Variants in SATB2 observed in about 807,000 individuals in gnomAD.
SATB2 encodes DNA-binding protein SATB2.
Under a neutral mutation model 73.4 loss-of-function variants are expected in SATB2, and 1 was observed. That is an observed-to-expected ratio of 0.01 (90% CI 0.00 to 0.06). SATB2 has a LOEUF of 0.06. Ranked by LOEUF, SATB2 falls within the 10% of genes least tolerant of loss-of-function variation. The pLI is 1.00. For synonymous variants in SATB2, 397 were observed against 367.0 expected (o/e 1.08, Z -0.93); for missense variants, 459 against 945.8 (o/e 0.49, Z 6.75).
intron 6 of SATB2, among the ~76,000 whole-genome samples, chr2:199,361,040 C>T (rs1185127270): frequency 2.6e-5 from 4 of 152,126 alleles, no homozygotes; most frequent in Non-Finnish European, 4.4e-5. Context: ...AAGCTTCCAG[C>T]CCTCTCCCGC....
intron 9 of SATB2, among the ~76,000 whole-genome samples, chr2:199,316,704 C>T (rs1687744883): frequency 6.6e-6 from 1 of 151,954 alleles, no homozygotes; most frequent in Non-Finnish European, 1.5e-5. Context: ...AATTTTGTTG[C>T]CCTCCTTAGC....
intron 10 of SATB2, among the ~76,000 whole-genome samples, chr2:199,276,461 G>A (rs1001066516): frequency 1.3e-5 from 2 of 152,114 alleles, no homozygotes; most frequent in African/African-American, 4.8e-5. Flanking sequence ...CCAAGCAAGT[G>A]CCCTGAGAGT....
chr2:199,426,692 CA>C (rs200293007), intron 3 of SATB2, among the ~76,000 whole-genome samples: 3,334 of 128,136 alleles, frequency 0.026, 101 homozygotes, highest in African/African-American at 0.1. Flanking sequence ...CATTCTCTCT[CA>C]AAAAAAAAAA....
chr2:199,329,180 A>G (rs1688118536), intron 7 of SATB2: 1 of 460,088 alleles, frequency 2.2e-6, no homozygotes, highest in Non-Finnish European at 4.0e-6. Context: ...CAAGGTAGGC[A>G]CTTGGGAAGA....
chr2:199,462,476 C>G (rs946269463), upstream of SATB2, among the ~76,000 whole-genome samples: 1 of 152,194 alleles, frequency 6.6e-6, no homozygotes, highest in African/African-American at 2.4e-5. This position sits in a 1 kb window ranked among gnomAD's most constrained non-coding sequence, Gnocchi z 5.9. Context: ...GAGGACGGTT[C>G]GCCCAGGGTG....
chr2:199,461,648 C>G (rs1356946101), upstream of SATB2, among the ~76,000 whole-genome samples: 1 of 152,166 alleles, frequency 6.6e-6, no homozygotes, highest in African/African-American at 2.4e-5. Context: ...ACGTTTTTGT[C>G]GGGAATCTGC....
intron 3 of SATB2, chr2:199,423,969 C>T (rs1269623934): frequency 1.3e-5 from 2 of 152,198 alleles, no homozygotes; most frequent in African/African-American, 4.8e-5. Context: ...AGGGGGACCT[C>T]TGCGCTGTCT....
intron 5 of SATB2, among the ~76,000 whole-genome samples, chr2:199,379,333 T>C (rs1425429768): frequency 6.6e-6 from 1 of 152,228 alleles, no homozygotes; most frequent in East Asian, 1.9e-4. Flanking sequence ...CATTTTCTTC[T>C]TGTGAATTCA....
chr2:199,327,848 T>A (rs548187574), intron 8 of SATB2, among the ~76,000 whole-genome samples: 1 of 152,158 alleles, frequency 6.6e-6, no homozygotes, highest in East Asian at 1.9e-4. Context: ...TTGAGTGACA[T>A]CTCAGTCATT....
chr2:199,456,657 A>G (rs1692284365), intron 1 of SATB2, among the ~76,000 whole-genome samples: 1 of 152,220 alleles, frequency 6.6e-6, no homozygotes, highest in South Asian at 2.1e-4. Context: ...ACACACCTGC[A>G]TAAAATCAAC....
rs1016489057 is a variant in SATB2, at chr2:199,345,549, A to G, written c.1173+3152T>C. Reference sequence around the variant, plus strand: ...TAACCTTACTCCAACCACTCTTTCCATGTCTTCCTGGATTCCCTTCATAAT... The same window carrying G: ...TAACCTTACTCCAACCACTCTTTCCGTGTCTTCCTGGATTCCCTTCATAAT... On this transcript the variant is annotated intron_variant, in intron 7 of 10. Coordinates refer to ENST00000417098, the MANE Select transcript of SATB2 (RefSeq NM_001172509.2). Among the ~76,000 whole-genome samples, 7 of 151,826 alleles carry G rather than the reference A, an allele frequency of 4.6e-5. No homozygotes were observed. In the South Asian group the frequency reaches 1.5e-3, roughly 32 times the overall value.
At chr2:199,391,432 C>CAAAAAAAAAA (rs56190034) in intron 3 of SATB2, among the ~76,000 whole-genome samples, 1 of 98,642 alleles carries the variant, frequency 1.0e-5, no homozygotes, top group Non-Finnish European at 2.0e-5. Flanking sequence ...GACTCCGTCT[C>CAAAAAAAAAA]AAAAAAAAAA....
chr2:199,409,641 C>T (rs1036903355), intron 3 of SATB2, among the ~76,000 whole-genome samples: 2 of 144,534 alleles, frequency 1.4e-5, no homozygotes, highest in East Asian at 2.0e-4. Context: ...TTAAAAAAAA[C>T]CAAGACAAGT....
intron 5 of SATB2, among the ~76,000 whole-genome samples, chr2:199,371,014 T>G (rs906317039): frequency 6.7e-6 from 1 of 150,324 alleles, no homozygotes; most frequent in Non-Finnish European, 1.5e-5. Context: ...ACCAGAAAAG[T>G]CTGTTTGAGT....
At chr2:199,429,976 G>A (rs187677926) in intron 3 of SATB2, among the ~76,000 whole-genome samples, 21 of 152,290 alleles carry the variant, frequency 1.4e-4, no homozygotes, top group Non-Finnish European at 2.6e-4. Context: ...TTAACAGAAA[G>A]TAGGGGAGAG....
intron 6 of SATB2, among the ~76,000 whole-genome samples, chr2:199,352,152 G>A (rs576156913): frequency 1.3e-5 from 2 of 152,314 alleles, no homozygotes; most frequent in East Asian, 3.9e-4. Flanking sequence ...GGGATTACAG[G>A]CGTGAGCCAC....
At chr2:199,443,532 G>C (rs1691878868) in intron 2 of SATB2, among the ~76,000 whole-genome samples, 1 of 82,334 alleles carries the variant, frequency 1.2e-5, no homozygotes, top group South Asian at 4.0e-4. Context: ...GAAAAGTAAA[G>C]TTATAGCAAA....
intron 3 of SATB2, among the ~76,000 whole-genome samples, chr2:199,385,362 G>A (rs1364490511): frequency 6.6e-6 from 1 of 152,096 alleles, no homozygotes; most frequent in East Asian, 1.9e-4. Flanking sequence ...TCCAACTCCT[G>A]GGCTCAAGCG....
chr2:199,422,864 A>T (rs1691213431), intron 3 of SATB2, among the ~76,000 whole-genome samples: 1 of 152,188 alleles, frequency 6.6e-6, no homozygotes, highest in South Asian at 2.1e-4. Context: ...TATGTCTATT[A>T]TGTAAAAGCT....
Sources: allele counts gnomAD v4.1 joint callset (sites outside exome capture counted in the v4.1 genomes callset), GRCh38; gene constraint gnomAD v4.1.1; non-coding constraint Gnocchi (gnomAD v3.1); transcripts MANE v1.5; gene names NCBI Gene and HGNC (gene_info 2026-07-23, HGNC 2026-07-21).